Variants in NDUFA5 observed in about 807,000 individuals in gnomAD.
NDUFA5 encodes the protein NADH:ubiquinone oxidoreductase subunit A5, also known as NADH dehydrogenase [ubiquinone] 1 alpha subcomplex subunit 5.
Under a neutral mutation model 19.8 loss-of-function variants are expected in NDUFA5, and 11 were observed. That is an observed-to-expected ratio of 0.56 (90% CI 0.35 to 0.92). The LOEUF (loss-of-function observed/expected upper bound fraction) is 0.92, where lower values mean the gene tolerates loss of function less well. Among genes scored for constraint, NDUFA5 ranks in the 40% least tolerant of loss-of-function variants. NDUFA5 has a pLI of 0.01. For missense variants in NDUFA5, 109 were observed against 134.2 expected (o/e 0.81, Z 0.93); for synonymous variants, 47 against 46.8 (o/e 1.00, Z -0.01).
At chr7:123,582,293 C>A in the NDUFA5 span, among the ~76,000 whole-genome samples, 178 of 151,836 alleles carry the variant, frequency 1.2e-3, 1 homozygote, top group African/African-American at 4.2e-3. Context: ...GGTTGCATTA[C>A]AATATCCAAA....
chr7:123,568,638 G>A, the NDUFA5 span, among the ~76,000 whole-genome samples: 1 of 152,102 alleles, frequency 6.6e-6, no homozygotes, highest in Non-Finnish European at 1.5e-5. Flanking sequence ...TATGGGAAAT[G>A]TTGCTCCTCA....
chr7:123,594,184 C>CT, the NDUFA5 span, among the ~76,000 whole-genome samples: 2 of 151,980 alleles, frequency 1.3e-5, no homozygotes, highest in South Asian at 4.2e-4. Flanking sequence ...TTCCTCTAAC[C>CT]TTTTTTCAAG....
upstream of NDUFA5, among the ~76,000 whole-genome samples, chr7:123,562,797 TC>T (rs977634425): frequency 8.4e-6 from 1 of 119,052 alleles, no homozygotes; most frequent in Non-Finnish European, 1.7e-5. Flanking sequence ...TTTCTTTCTT[TC>T]TTTTTTTTTT....
chr7:123,542,289 A>C (rs1797970031), intron 4 of NDUFA5, 69 bp from the exon 5 acceptor site: 1 of 1,119,604 alleles, frequency 8.9e-7, no homozygotes, highest in Non-Finnish European at 1.3e-6. Flanking sequence ...AGAACAACTG[A>C]AATTTAACTA....
At chr7:123,549,128 T>C (rs1337577240) in intron 3 of NDUFA5, among the ~76,000 whole-genome samples, 1 of 152,102 alleles carries the variant, frequency 6.6e-6, no homozygotes, top group Non-Finnish European at 1.5e-5. Flanking sequence ...TTGGCATCCA[T>C]GGGAATCCTG....
chr7:123,544,498 C>CAAAAAAAAAAAAAAAAAAA, intron 4 of NDUFA5, among the ~76,000 whole-genome samples: 1 of 72,954 alleles, frequency 1.4e-5, no homozygotes, highest in Non-Finnish European at 2.7e-5. Flanking sequence ...AACTCCATCT[C>CAAAAAAAAAAAAAAAAAAA]AAAAAAAAAA....
chr7:123,571,175 G>C, the NDUFA5 span, among the ~76,000 whole-genome samples: 4 of 152,220 alleles, frequency 2.6e-5, no homozygotes, highest in African/African-American at 9.6e-5. Context: ...CAACTGCACA[G>C]CAGTTGAGTA....
the NDUFA5 span, among the ~76,000 whole-genome samples, chr7:123,576,846 C>G: frequency 6.6e-6 from 1 of 152,144 alleles, no homozygotes; most frequent in Non-Finnish European, 1.5e-5. Flanking sequence ...GCATTTCTTG[C>G]AGGGTCTGCT....
At chr7:123,557,906 C>A, upstream of NDUFA5, 1 of 1,586,648 alleles carries the variant, frequency 6.3e-7, no homozygotes, top group Non-Finnish European at 8.6e-7. Flanking sequence ...TTAGCTCCAC[C>A]CCTTCAGGAT....
the NDUFA5 span, among the ~76,000 whole-genome samples, chr7:123,593,756 C>T: frequency 7.2e-5 from 11 of 152,026 alleles, no homozygotes; most frequent in South Asian, 2.3e-3. Flanking sequence ...ACTTATGTGT[C>T]TTGGGGTTGC....
intron 2 of NDUFA5, chr7:123,554,891 A>C (rs1798484465): frequency 6.6e-6 from 1 of 152,252 alleles, no homozygotes; most frequent in Non-Finnish European, 1.5e-5. Flanking sequence ...CATGTTGGCC[A>C]GGCTGGTCTT....
At chr7:123,561,228 A>G (rs1798684252), upstream of NDUFA5, among the ~76,000 whole-genome samples, 1 of 152,260 alleles carries the variant, frequency 6.6e-6, no homozygotes, top group African/African-American at 2.4e-5. Context: ...CTCACAGAAG[A>G]ACTCTCAAAA....
In NDUFA5 at chr7:123,556,607, C is replaced by CCTG. The variant is rs1798553485; in HGVS notation, c.66+796_66+797insCAG. On this transcript the variant is annotated intron_variant, in intron 2 of 4. Coordinates refer to ENST00000355749, the MANE Select transcript of NDUFA5 (RefSeq NM_005000.5). ...ATGATGGAAAAAGTGTCAAATGTGT[C>CCTG]AAAAAAAAAAAAACGCTGCTATTAG... 33 of 192,768 alleles carry CCTG rather than the reference C, an allele frequency of 1.7e-4. No individual in the cohort carries two copies. In the South Asian group the frequency reaches 2.0e-3, roughly 12 times the overall value. 11.9% of individuals were successfully genotyped at this position (192,768 alleles called of 1,614,324 possible).
chr7:123,588,187 G>T, the NDUFA5 span, among the ~76,000 whole-genome samples: 1 of 151,588 alleles, frequency 6.6e-6, no homozygotes, highest in African/African-American at 2.4e-5. Flanking sequence ...GGAGATTTTT[G>T]ATTACTGATT....
At chr7:123,565,924 C>G in the NDUFA5 span, among the ~76,000 whole-genome samples, 1 of 151,060 alleles carries the variant, frequency 6.6e-6, no homozygotes, top group Non-Finnish European at 1.5e-5. Flanking sequence ...GAGGCTGAGA[C>G]AGGGGAATTG....
chr7:123,557,556 C>T, intron 1 of NDUFA5, 108 bp from the exon 2 acceptor site: 1 of 1,611,570 alleles, frequency 6.2e-7, no homozygotes, highest in Non-Finnish European at 8.5e-7. Context: ...TGGTCTAAAG[C>T]CAGCTACTGG....
Position 123,539,979 on chromosome 7 carries a change from C to T in NDUFA5, c.*2140G>A, listed in dbSNP as rs554978145. On this transcript the variant is annotated 3_prime_UTR_variant, in exon 5 of 5. Transcript: ENST00000355749. Reference sequence around the variant, plus strand: ...ATAACAGGAGCATCAGTTCTAGAACCAGACTGCCTGGGTTCAAACTTCAGC... The same window carrying T: ...ATAACAGGAGCATCAGTTCTAGAACTAGACTGCCTGGGTTCAAACTTCAGC... 2.6e-5 allele frequency: 4 copies of T among 152,230 alleles called. No homozygotes were observed. The East Asian group carries it at 7.7e-4, about 29-fold the overall frequency. 9.4% of individuals were successfully genotyped at this position (152,230 alleles called of 1,614,324 possible). A position where few individuals can be genotyped will look rare whatever the true frequency, so the allele number is the denominator to read the frequency against.
the NDUFA5 span, among the ~76,000 whole-genome samples, chr7:123,573,383 A>G: frequency 6.8e-6 from 1 of 147,018 alleles, no homozygotes; most frequent in Non-Finnish European, 1.5e-5. Context: ...CCTGACCCTC[A>G]TTTGTCTGTG....
chr7:123,544,466 C>A (rs1320142997), intron 4 of NDUFA5, among the ~76,000 whole-genome samples: 1 of 148,052 alleles, frequency 6.8e-6, no homozygotes, highest in Admixed American at 6.7e-5. Context: ...CCACTGCACT[C>A]CAGCCTGGGC....
Sources: allele counts gnomAD v4.1 joint callset (sites outside exome capture counted in the v4.1 genomes callset), GRCh38; gene constraint gnomAD v4.1.1; transcripts MANE v1.5; gene names NCBI Gene and HGNC (gene_info 2026-07-23, HGNC 2026-07-21).